The following SLIT2 variants were observed in gnomAD, a reference collection of about 807,000 sequenced individuals.
SLIT2 encodes slit homolog 2 protein.
In SLIT2, 41 loss-of-function variants were observed where a neutral mutation model predicts 185.7. The observed-to-expected ratio is 0.22, with a 90% CI of 0.17 to 0.29. The LOEUF (loss-of-function observed/expected upper bound fraction) is 0.29. Among genes scored for constraint, SLIT2 ranks in the 10% least tolerant of loss-of-function variants. SLIT2 has a pLI of 1.00. For missense variants in SLIT2, 1,571 were observed against 1,909.0 expected, an observed-to-expected ratio of 0.82 and a Z score of 3.30; for synonymous variants, 693 against 680.2, an observed-to-expected ratio of 1.02 and a Z score of -0.29.
chr4:20,443,778 A>G (rs1330023751), intron 4 of SLIT2, among the ~76,000 whole-genome samples: 3 of 152,098 alleles, frequency 2.0e-5, no homozygotes, highest in Non-Finnish European at 2.9e-5. Context: ...AGATAACTTA[A>G]TAACTTCTGA....
In SLIT2 at chr4:20,596,570, TG is replaced by T; in HGVS notation, c.3478del (p.Val1160LeufsTer3). On this transcript the variant is annotated frameshift_variant, in exon 32 of 37. Transcript: ENST00000504154. LOFTEE classifies it high-confidence loss of function. ...TATCAGGGAGAAAAGTGTGAAAAAT[TG>T]GTTAGTGTGAATTTTATAAACAAAG... ...PGYQGEKCEK[L>X]VSVNFINKES... 6.2e-7 allele frequency: 1 copy of T among 1,614,014 alleles called. No homozygotes were observed. The highest frequency in any genetic ancestry group is 8.5e-7 in the Non-Finnish European group (1 of 1,179,952).
intron 5 of SLIT2, among the ~76,000 whole-genome samples, chr4:20,475,177 G>A (rs625614): frequency 0.81 from 123,107 of 152,016 alleles, 50,110 homozygotes; most frequent in East Asian, 0.93. Flanking sequence ...TGGCCTCTCT[G>A]TTGCAGATAT....
chr4:20,546,663 AT>A (rs1723276996), intron 22 of SLIT2, among the ~76,000 whole-genome samples: 1 of 152,068 alleles, frequency 6.6e-6, no homozygotes, highest in South Asian at 2.1e-4. Flanking sequence ...CAAAATTTTG[AT>A]TTTTTAGCTT....
chr4:20,397,986 C>T (rs769183163), intron 4 of SLIT2, among the ~76,000 whole-genome samples: 15 of 151,848 alleles, frequency 9.9e-5, no homozygotes, highest in East Asian at 3.9e-4. Flanking sequence ...AAAGTACAGA[C>T]GAGTGAGTAG....
intron 4 of SLIT2, among the ~76,000 whole-genome samples, chr4:20,402,361 T>G (rs1726426802): frequency 6.6e-6 from 1 of 151,964 alleles, no homozygotes; most frequent in Non-Finnish European, 1.5e-5. Context: ...AAACTTGAAT[T>G]ACATCAACTA....
At chr4:20,473,459 G>A (rs35694242) in intron 5 of SLIT2, among the ~76,000 whole-genome samples, 25,439 of 151,844 alleles carry the variant, frequency 0.17, 2,180 homozygotes, top group Middle Eastern at 0.24. Flanking sequence ...GACATTTTAG[G>A]AAGGAAGTCA....
intron 4 of SLIT2, among the ~76,000 whole-genome samples, chr4:20,426,991 A>G (rs1040689094): frequency 2.0e-5 from 3 of 152,158 alleles, no homozygotes; most frequent in African/African-American, 7.2e-5. Context: ...CCTGCCCTCT[A>G]TAGTCTAAGC....
intron 4 of SLIT2, among the ~76,000 whole-genome samples, chr4:20,308,293 G>A (rs1296691933): frequency 1.3e-5 from 2 of 152,188 alleles, no homozygotes; most frequent in African/African-American, 2.4e-5. Context: ...ATGGTAAAAC[G>A]AGTGGAAAAT....
chr4:20,613,532 G>C (rs1729406905), intron 34 of SLIT2, among the ~76,000 whole-genome samples: 1 of 152,008 alleles, frequency 6.6e-6, no homozygotes, highest in African/African-American at 2.4e-5. Flanking sequence ...GGAGGGAGAG[G>C]ACCAGGAAAA....
intron 26 of SLIT2, 129 bp downstream of exon 26, chr4:20,554,097 C>T: frequency 3.8e-6 from 3 of 780,712 alleles, no homozygotes; most frequent in East Asian, 2.7e-5. Flanking sequence ...TCAGCCCATG[C>T]TTGGACAAGA....
At chr4:20,315,184 C>T (rs1718468766) in intron 4 of SLIT2, among the ~76,000 whole-genome samples, 1 of 152,014 alleles carries the variant, frequency 6.6e-6, no homozygotes. Flanking sequence ...CTTAGAGTTT[C>T]TCAATAAAGA....
At position 20,528,881 on chromosome 4, in the gene SLIT2, T is replaced by A; in HGVS notation, c.1463-68T>A. Reference sequence around the variant, plus strand: ...ATCTATAGTTATCTTACTTTTTTCTTCCTACAAACTAATAAATTTTCTAAC... The same window carrying A: ...ATCTATAGTTATCTTACTTTTTTCTACCTACAAACTAATAAATTTTCTAAC... On this transcript the variant is annotated intron_variant, in intron 15 of 36. Coordinates refer to ENST00000504154, the MANE Select transcript of SLIT2 (RefSeq NM_004787.4). The surrounding 1 kb of genome is among the most constrained non-coding windows in gnomAD (Gnocchi z 4.2). The A allele has an allele frequency of 7.7e-7, 1 of 1,299,260 alleles. No homozygotes were observed. The highest frequency in any genetic ancestry group is 1.6e-5 in the South Asian group (1 of 62,976). The allele number at this position is 1,299,260 out of a possible 1,614,324, so 80.5% of individuals were successfully genotyped here.
chr4:20,541,809 T>C (rs1307582510), intron 20 of SLIT2, among the ~76,000 whole-genome samples, 190 bp downstream of exon 20: 1 of 152,198 alleles, frequency 6.6e-6, no homozygotes, highest in Non-Finnish European at 1.5e-5. Context: ...TTGAGTCTAC[T>C]TGATGTGCAT....
chr4:20,374,372 A>C (rs1045254952), intron 4 of SLIT2, among the ~76,000 whole-genome samples: 1 of 152,182 alleles, frequency 6.6e-6, no homozygotes, highest in Middle Eastern at 3.4e-3. Flanking sequence ...CATGAAGCAA[A>C]ATTGTTCTTT....
chr4:20,532,077 A>ATT lies in SLIT2; in HGVS notation c.1688+26_1688+27dup, dbSNP rs3215198. 185,334 of 1,320,988 alleles carry ATT rather than the reference A, an allele frequency of 0.14. 12,426 individuals are homozygous for ATT. Among genetic ancestry groups the ATT allele is most frequent in the East Asian group, 0.26 (10,429 of 40,610 alleles). 81.8% of individuals were successfully genotyped at this position (1,320,988 alleles called of 1,614,324 possible). A position where few individuals can be genotyped will look rare whatever the true frequency, so the allele number is the denominator to read the frequency against. On this transcript the variant is annotated intron_variant, in intron 17 of 36. Coordinates refer to ENST00000504154, the MANE Select transcript of SLIT2 (RefSeq NM_004787.4). ...GTAAAATGTAAGTCACTTGTTAGCTATTTTTTTTATTTCTGTAGCATTTTT... is the reference window on the plus strand; with the variant it reads ...GTAAAATGTAAGTCACTTGTTAGCTATTTTTTTTTTATTTCTGTAGCATTTTT...
intron 5 of SLIT2, among the ~76,000 whole-genome samples, chr4:20,470,131 C>A (rs964463804): frequency 9.2e-5 from 14 of 151,934 alleles, no homozygotes; most frequent in African/African-American, 2.7e-4. Flanking sequence ...GTATGAAAGA[C>A]CTTTCGAAAC....
chr4:20,378,026 C>T (rs1019107863), intron 4 of SLIT2, among the ~76,000 whole-genome samples: 8 of 151,996 alleles, frequency 5.3e-5, no homozygotes, highest in Non-Finnish European at 1.2e-4. Context: ...CTACACCCAG[C>T]GTGTGTGGAT....
intron 16 of SLIT2, among the ~76,000 whole-genome samples, chr4:20,529,369 A>G (rs767100020): frequency 8.5e-5 from 13 of 152,102 alleles, no homozygotes; most frequent in African/African-American, 2.2e-4. Context: ...TATTTATTTG[A>G]TGCTTATTTA....
intron 9 of SLIT2, among the ~76,000 whole-genome samples, chr4:20,497,118 A>T (rs1718294210): frequency 6.6e-6 from 1 of 151,222 alleles, no homozygotes; most frequent in Non-Finnish European, 1.5e-5. Context: ...TAGGTACCCT[A>T]TTATGGAGCT....
Sources: gnomAD v4.1 joint callset for allele counts (sites outside exome capture counted in the v4.1 genomes callset) on GRCh38, gnomAD v4.1.1 for gene constraint, Gnocchi (gnomAD v3.1) non-coding constraint, MANE v1.5 for transcripts, NCBI Gene and HGNC (gene_info 2026-07-23, HGNC 2026-07-21) for gene names.